The following PRELID2 variants were observed in gnomAD, a reference collection of about 807,000 sequenced individuals.
The protein encoded by PRELID2 is PRELI domain containing 2.
PRELID2 carries 25 observed loss-of-function variants against 28.4 expected under a neutral mutation model. The ratio of observed to expected loss-of-function variants is 0.88; its 90% CI spans 0.64 to 1.23. The LOEUF is 1.23. PRELID2 is among the 50% of genes most tolerant of loss of function. The probability of loss-of-function intolerance (pLI) is 0.00; values close to 1 mark genes in which losing one functional copy is unlikely to be tolerated. For synonymous variants in PRELID2, 76 were observed against 71.6 expected, an observed-to-expected ratio of 1.06 and a Z score of -0.31; for missense variants, 201 against 214.4, an observed-to-expected ratio of 0.94 and a Z score of 0.39.
chr5:145,710,737 G>A (rs1405045331), intron 1 of PRELID2, among the ~76,000 whole-genome samples: 1 of 152,180 alleles, frequency 6.6e-6, no homozygotes, highest in Non-Finnish European at 1.5e-5. Flanking sequence ...TGAGGCTCAC[G>A]CCATTTCATC....
chr5:145,385,388 T>A, the PRELID2 span, among the ~76,000 whole-genome samples: 2 of 152,180 alleles, frequency 1.3e-5, no homozygotes, highest in African/African-American at 4.8e-5. Flanking sequence ...TTCCATAGCA[T>A]TTTGAAGTAC....
the PRELID2 span, among the ~76,000 whole-genome samples, chr5:145,387,795 G>A: frequency 6.6e-6 from 1 of 152,034 alleles, no homozygotes; most frequent in Non-Finnish European, 1.5e-5. Flanking sequence ...AGCTGGGCAT[G>A]GTGGAGCACA....
chr5:145,386,648 A>G, the PRELID2 span, among the ~76,000 whole-genome samples: 4 of 152,186 alleles, frequency 2.6e-5, no homozygotes, highest in Non-Finnish European at 1.5e-5. Flanking sequence ...ACAGACTAAT[A>G]CATGGCCCTT....
chr5:145,273,357 C>A, the PRELID2 span, among the ~76,000 whole-genome samples: 1 of 152,046 alleles, frequency 6.6e-6, no homozygotes, highest in Non-Finnish European at 1.5e-5. Context: ...CCCAACCCTC[C>A]AGTTCACCAC....
At chr5:145,399,483 A>G in the PRELID2 span, among the ~76,000 whole-genome samples, 1 of 152,174 alleles carries the variant, frequency 6.6e-6, no homozygotes, top group Non-Finnish European at 1.5e-5. Context: ...CTGTCACTCC[A>G]TCCAGAATCT....
At chr5:145,526,447 G>A (rs902866394) in intron 1 of PRELID2, among the ~76,000 whole-genome samples, 5 of 152,172 alleles carry the variant, frequency 3.3e-5, no homozygotes, top group African/African-American at 1.2e-4. Context: ...AAGATGGCAA[G>A]CTGCTTCCTA....
At chr5:145,710,605 G>A (rs1755667108) in intron 1 of PRELID2, among the ~76,000 whole-genome samples, 1 of 152,194 alleles carries the variant, frequency 6.6e-6, no homozygotes, top group Admixed American at 6.5e-5. Flanking sequence ...CAAGAAAGAA[G>A]TCAGGAGGCA....
At chr5:145,780,809 T>C (rs1297915178) in intron 5 of PRELID2, among the ~76,000 whole-genome samples, 3 of 152,142 alleles carry the variant, frequency 2.0e-5, no homozygotes, top group Admixed American at 6.6e-5. Context: ...ATTATAGCCT[T>C]TAAATTCTAC....
chr5:145,261,683 T>C, the PRELID2 span, among the ~76,000 whole-genome samples: 1 of 152,234 alleles, frequency 6.6e-6, no homozygotes, highest in East Asian at 1.9e-4. Flanking sequence ...GACAAAAGAA[T>C]CTGAACAGAA....
At chr5:145,414,204 G>T in the PRELID2 span, among the ~76,000 whole-genome samples, 2 of 152,262 alleles carry the variant, frequency 1.3e-5, no homozygotes, top group Admixed American at 1.3e-4. Flanking sequence ...GAAATTGACT[G>T]TTTGTTAAAG....
intron 5 of PRELID2, among the ~76,000 whole-genome samples, chr5:145,771,592 C>T (rs752842405): frequency 3.2e-4 from 49 of 151,698 alleles, no homozygotes; most frequent in Admixed American, 1.3e-3. Context: ...CAGTGGCTCA[C>T]GCCTGTAATC....
intron 1 of PRELID2, chr5:145,729,108 C>G: frequency 6.8e-6 from 4 of 587,522 alleles, no homozygotes; most frequent in South Asian, 2.1e-5. Flanking sequence ...CCCATTGTTA[C>G]CCTGGTTTCC....
Position 145,759,758 on chromosome 5 carries a change from A to G in PRELID2, c.*778T>C, listed in dbSNP as rs957648625. ...TAATCATCATAACGCATTGGCGGAA[A>G]GACCTGTGCCTGATTATCCCCATTT... is the stretch of plus-strand genomic sequence containing the variant. On this transcript the variant is annotated 3_prime_UTR_variant, in exon 7 of 7. Transcript: ENST00000683046. 6.6e-6 allele frequency: 1 copy of G among 152,256 alleles called. No homozygotes were observed. Among genetic ancestry groups the G allele is most frequent in the Non-Finnish European group, 1.5e-5 (1 of 68,054 alleles). 9.4% of individuals were successfully genotyped at this position (152,256 alleles called of 1,614,324 possible). A position where few individuals can be genotyped will look rare whatever the true frequency, so the allele number is the denominator to read the frequency against.
At chr5:145,404,982 C>T in the PRELID2 span, among the ~76,000 whole-genome samples, 73 of 152,050 alleles carry the variant, frequency 4.8e-4, no homozygotes, top group African/African-American at 1.5e-3. Context: ...ATATTCAGCT[C>T]ATATTTTCAT....
downstream of PRELID2, among the ~76,000 whole-genome samples, chr5:145,754,720 C>T (rs914522713): frequency 1.3e-5 from 2 of 152,154 alleles, no homozygotes; most frequent in Non-Finnish European, 2.9e-5. Context: ...TGATGTCTTA[C>T]AATTCTGCAA....
At chr5:145,302,329 G>A in the PRELID2 span, among the ~76,000 whole-genome samples, 5 of 151,606 alleles carry the variant, frequency 3.3e-5, no homozygotes, top group African/African-American at 9.7e-5. Context: ...GTAGAGAGGG[G>A]GTTTCTCCGT....
intron 1 of PRELID2, among the ~76,000 whole-genome samples, chr5:145,512,842 CAG>C (rs1300116928): frequency 6.6e-6 from 1 of 152,158 alleles, no homozygotes; most frequent in Non-Finnish European, 1.5e-5. Flanking sequence ...CCCAGGCAAA[CAG>C]GGTGTGGAGT....
At chr5:145,485,034 A>G (rs1752203399) in intron 1 of PRELID2, among the ~76,000 whole-genome samples, 1 of 152,244 alleles carries the variant, frequency 6.6e-6, no homozygotes, top group South Asian at 2.1e-4. Flanking sequence ...AAGGAAGAAT[A>G]CCTGCAACAT....
the PRELID2 span, among the ~76,000 whole-genome samples, chr5:145,319,060 T>C: frequency 6.6e-6 from 1 of 152,196 alleles, no homozygotes; most frequent in Non-Finnish European, 1.5e-5. Flanking sequence ...TCTGCTTCTC[T>C]GTTCCTCTGC....
Sources: allele counts gnomAD v4.1 joint callset (sites outside exome capture counted in the v4.1 genomes callset), GRCh38; gene constraint gnomAD v4.1.1; transcripts MANE v1.5; gene names NCBI Gene and HGNC (gene_info 2026-07-23, HGNC 2026-07-21).